Variants in IL1RAPL2 observed in about 807,000 individuals in gnomAD.
The protein encoded by IL1RAPL2 is interleukin 1 receptor accessory protein like 2, also known as X-linked interleukin-1 receptor accessory protein-like 2.
IL1RAPL2 carries 3 observed loss-of-function variants against 44.1 expected under a neutral mutation model. The ratio of observed to expected loss-of-function variants is 0.07; its 90% confidence interval spans 0.03 to 0.18. IL1RAPL2 has a LOEUF of 0.18. Ranked by LOEUF, IL1RAPL2 falls within the 10% of genes least tolerant of loss-of-function variation. The pLI is 1.00. For missense variants in IL1RAPL2, 391 were observed against 496.4 expected (o/e 0.79, Z 2.02); for synonymous variants, 181 against 178.8 (o/e 1.01, Z -0.10).
chrX:105,658,265 GTC>G (rs1407799328), intron 6 of IL1RAPL2, among the ~76,000 whole-genome samples: 1 of 111,419 alleles, frequency 9.0e-6, no homozygotes, highest in African/African-American at 3.3e-5. Context: ...GAGAACAAGA[GTC>G]TCTGCTTGGT....
intron 1 of IL1RAPL2, among the ~76,000 whole-genome samples, chrX:104,582,606 TTCTTTCTTTC>T (rs763431233): frequency 6.3e-4 from 25 of 39,874 alleles, no homozygotes; most frequent in East Asian, 5.7e-3. Context: ...TTTTCTTTCT[TTCTTTCTTTC>T]TTTCTTTCTT....
At chrX:105,354,769 G>A (rs1306303866) in intron 5 of IL1RAPL2, among the ~76,000 whole-genome samples, 3 of 111,416 alleles carry the variant, frequency 2.7e-5, no homozygotes, top group African/African-American at 9.8e-5. Flanking sequence ...CTCAAGTGCT[G>A]ACTCTATTAC....
intron 6 of IL1RAPL2, among the ~76,000 whole-genome samples, chrX:105,565,785 T>C (rs372068167): frequency 4.5e-5 from 5 of 112,162 alleles, no homozygotes; most frequent in South Asian, 7.3e-4. Context: ...TGTTGTTTTG[T>C]ATTGAATTGG....
In IL1RAPL2 at chrX:105,590,837, GTGTGTGTGTGTT is replaced by G. The variant is rs1411698788; in HGVS notation, c.772+106460_772+106471del. Among the ~76,000 whole-genome samples, 136 of 103,159 alleles carry G rather than the reference GTGTGTGTGTGTT, an allele frequency of 1.3e-3. 1 individual carries two copies. Among genetic ancestry groups the G allele is most frequent in the African/African-American group, 5.1e-3 (129 of 25,421 alleles). 89.6% of individuals were successfully genotyped at this position (103,159 alleles called of 115,157 possible). On this transcript the variant is annotated intron_variant, in intron 6 of 10. Coordinates refer to ENST00000372582, the MANE Select transcript of IL1RAPL2 (RefSeq NM_017416.2). ...TTTGTGTGTGTGTGTGTGTGTGTGTGTGTGTGTGTGTTTGTGTGTGTTTGTGTGTGTGTGTGT... is the reference window on the plus strand; with the variant it reads ...TTTGTGTGTGTGTGTGTGTGTGTGTGTGTGTGTGTTTGTGTGTGTGTGTGT...
chrX:105,132,487 G>A (rs2033037515), intron 2 of IL1RAPL2, among the ~76,000 whole-genome samples: 1 of 110,147 alleles, frequency 9.1e-6, no homozygotes, highest in African/African-American at 3.3e-5. Context: ...ATTTTCAGGG[G>A]AAAAAAAACA....
At chrX:104,999,867 A>G (rs1387582128) in intron 2 of IL1RAPL2, among the ~76,000 whole-genome samples, 1 of 111,395 alleles carries the variant, frequency 9.0e-6, no homozygotes, top group African/African-American at 3.3e-5. Flanking sequence ...CAAACCTTTA[A>G]TTTTATTCCT....
chrX:105,205,625 A>AAAAAAAAATT, intron 3 of IL1RAPL2, among the ~76,000 whole-genome samples: 1 of 89,554 alleles, frequency 1.1e-5, no homozygotes, highest in Admixed American at 1.3e-4. Flanking sequence ...AAAAAAAAAA[A>AAAAAAAAATT]GTGCTAAAGA....
chrX:105,092,285 G>C (rs1293401001), intron 2 of IL1RAPL2, among the ~76,000 whole-genome samples: 1 of 111,570 alleles, frequency 9.0e-6, no homozygotes, highest in Non-Finnish European at 1.9e-5. Flanking sequence ...TAAATCACTA[G>C]AAAGACTCAT....
chrX:105,218,943 T>A, intron 3 of IL1RAPL2: 2 of 1,167,440 alleles, frequency 1.7e-6, no homozygotes, highest in Non-Finnish European at 2.3e-6. Flanking sequence ...CATGCTTCGG[T>A]TCTATTTTGC....
At chrX:105,346,585 A>G (rs2035112385) in intron 5 of IL1RAPL2, among the ~76,000 whole-genome samples, 1 of 112,057 alleles carries the variant, frequency 8.9e-6, no homozygotes, top group Non-Finnish European at 1.9e-5. Context: ...GACAACAGCA[A>G]CATAGGGTCT....
chrX:105,615,173 C>T, intron 6 of IL1RAPL2, among the ~76,000 whole-genome samples: 1 of 111,429 alleles, frequency 9.0e-6, no homozygotes, highest in Non-Finnish European at 1.9e-5. Context: ...CAAAAGACAG[C>T]CAATAACAAA....
intron 2 of IL1RAPL2, among the ~76,000 whole-genome samples, chrX:105,021,861 A>G (rs1000126286): frequency 1.8e-5 from 2 of 111,380 alleles, no homozygotes; most frequent in Admixed American, 9.6e-5. Flanking sequence ...TATGCTTACC[A>G]TATGACAGAA....
At chrX:105,667,823 G>A (rs766631482) in intron 6 of IL1RAPL2, among the ~76,000 whole-genome samples, 3 of 111,260 alleles carry the variant, frequency 2.7e-5, no homozygotes, top group Admixed American at 9.6e-5. Context: ...GCCAAATACC[G>A]TCTCTGGCTC....
At chrX:104,837,877 C>A (rs1921783830) in intron 2 of IL1RAPL2, among the ~76,000 whole-genome samples, 2 of 111,731 alleles carry the variant, frequency 1.8e-5, no homozygotes, top group Non-Finnish European at 3.8e-5. Flanking sequence ...CATTCAAGTC[C>A]TTAACCCATC....
chrX:105,291,248 A>G (rs796877898), intron 5 of IL1RAPL2, among the ~76,000 whole-genome samples: 1 of 111,990 alleles, frequency 8.9e-6, no homozygotes, highest in Admixed American at 9.5e-5. Context: ...TTTAATGACA[A>G]AAGTCTTTTG....
intron 4 of IL1RAPL2, among the ~76,000 whole-genome samples, chrX:105,241,098 C>T (rs2034167129): frequency 9.0e-6 from 1 of 111,253 alleles, no homozygotes; most frequent in African/African-American, 3.3e-5. Context: ...ACGGTGCTTC[C>T]CATGTAACTT....
At chrX:104,935,749 A>G (rs1240993512) in intron 2 of IL1RAPL2, among the ~76,000 whole-genome samples, 10 of 112,089 alleles carry the variant, frequency 8.9e-5, no homozygotes, top group Admixed American at 8.6e-4. Flanking sequence ...TAGTAGGCAC[A>G]GAGTGGACTG....
chrX:105,754,604 G>T (rs2038622397), intron 9 of IL1RAPL2, among the ~76,000 whole-genome samples: 1 of 112,339 alleles, frequency 8.9e-6, no homozygotes, highest in African/African-American at 3.2e-5. Flanking sequence ...ATAAAACCCA[G>T]CTGCTGTCTC....
intron 2 of IL1RAPL2, among the ~76,000 whole-genome samples, chrX:105,084,699 G>T (rs948602791): frequency 1.7e-4 from 19 of 112,195 alleles, no homozygotes; most frequent in African/African-American, 4.9e-4. Flanking sequence ...ATGCTGAAAT[G>T]AGTTAAGACT....
Sources: allele counts gnomAD v4.1 joint callset (sites outside exome capture counted in the v4.1 genomes callset), GRCh38; gene constraint gnomAD v4.1.1; transcripts MANE v1.5; gene names NCBI Gene and HGNC (gene_info 2026-07-23, HGNC 2026-07-21).